MACROD2: variants seen among roughly 807,000 people sequenced by gnomAD.
MACROD2 encodes ADP-ribose glycohydrolase MACROD2.
A neutral mutation model predicts 70.4 loss-of-function variants in MACROD2; 36 were observed. That is an observed-to-expected ratio of 0.51 (90% CI 0.39 to 0.68). The LOEUF is 0.68. Among genes scored for constraint, MACROD2 ranks in the 30% least tolerant of loss-of-function variants. MACROD2 has a pLI of 0.00. For missense variants in MACROD2, 496 were observed against 538.4 expected, an observed-to-expected ratio of 0.92 and a Z score of 0.78; for synonymous variants, 172 against 178.8, an observed-to-expected ratio of 0.96 and a Z score of 0.30.
chr20:14,504,129 C>T lies in MACROD2; in HGVS notation c.301+10621C>T, dbSNP rs147054617. Among the ~76,000 whole-genome samples the T allele has an allele frequency of 1.9e-4, 29 of 152,272 alleles. No homozygotes were observed. In the East Asian group the frequency reaches 5.2e-3, roughly 27 times the overall value. On this transcript the variant is annotated intron_variant, in intron 4 of 17. Transcript: ENST00000684519. ...ACATGGACTGTTTCTATTGTGTTCA[C>T]TTGCTGAAACCTCAGAATCTTGTAG...
At chr20:15,072,611 CCTTT>C (rs1460462189) in intron 5 of MACROD2, among the ~76,000 whole-genome samples, 1 of 152,082 alleles carries the variant, frequency 6.6e-6, no homozygotes, top group Non-Finnish European at 1.5e-5. Context: ...TTATTTCTTT[CCTTT>C]CCATCAATTA....
At chr20:14,903,634 A>T (rs1391401929) in intron 5 of MACROD2, among the ~76,000 whole-genome samples, 1 of 152,126 alleles carries the variant, frequency 6.6e-6, no homozygotes, top group Non-Finnish European at 1.5e-5. Context: ...TAGAATTTTG[A>T]CAGGTTGCAG....
chr20:15,881,648 G>T (rs143780405), intron 9 of MACROD2, among the ~76,000 whole-genome samples: 2 of 152,114 alleles, frequency 1.3e-5, no homozygotes, highest in Non-Finnish European at 2.9e-5. Context: ...ATGTGCCTAC[G>T]TCTTAGTAGA....
chr20:14,085,493 T>C (rs2054065426), intron 2 of MACROD2, 128 bp from the exon 3 acceptor site: 1 of 466,396 alleles, frequency 2.1e-6, no homozygotes, highest in African/African-American at 2.0e-5. Flanking sequence ...CTTACGCTCT[T>C]ATTTCCACTT....
At chr20:14,677,838 C>T (rs2070880650) in intron 4 of MACROD2, among the ~76,000 whole-genome samples, 1 of 152,102 alleles carries the variant, frequency 6.6e-6, no homozygotes, top group Non-Finnish European at 1.5e-5. Flanking sequence ...ATTAAGGACT[C>T]TGAGACATAC....
At chr20:15,715,947 G>A (rs1343768492) in intron 8 of MACROD2, among the ~76,000 whole-genome samples, 1 of 151,996 alleles carries the variant, frequency 6.6e-6, no homozygotes, top group East Asian at 1.9e-4. Context: ...ACAATTTAAG[G>A]TTATATCAAC....
chr20:15,439,370 T>C (rs2046466625), intron 7 of MACROD2, among the ~76,000 whole-genome samples: 1 of 152,188 alleles, frequency 6.6e-6, no homozygotes, highest in Non-Finnish European at 1.5e-5. Flanking sequence ...TTCAAATGGA[T>C]TTTGTTATTT....
intron 12 of MACROD2, among the ~76,000 whole-genome samples, chr20:15,954,838 C>A (rs531444783): frequency 6.6e-6 from 1 of 152,242 alleles, no homozygotes; most frequent in African/African-American, 2.4e-5. Flanking sequence ...AGTTTCTATT[C>A]TAAGAACTGC....
intron 4 of MACROD2, among the ~76,000 whole-genome samples, chr20:14,577,311 C>T (rs900352208): frequency 1.3e-5 from 2 of 152,140 alleles, no homozygotes; most frequent in Admixed American, 6.5e-5. Flanking sequence ...TGAGAAAAAC[C>T]CTGTTTAATA....
At chr20:14,091,527 T>C (rs969625993) in intron 3 of MACROD2, among the ~76,000 whole-genome samples, 18 of 152,138 alleles carry the variant, frequency 1.2e-4, no homozygotes, top group African/African-American at 4.1e-4. Flanking sequence ...AGGTGATGGA[T>C]GTGTTAATTA....
chr20:14,979,190 C>T (rs545911751), intron 5 of MACROD2, among the ~76,000 whole-genome samples: 5 of 151,410 alleles, frequency 3.3e-5, no homozygotes, highest in African/African-American at 4.8e-5. Context: ...AAATTCCTAG[C>T]CTCAAAAGAT....
At chr20:14,563,475 G>A (rs1979574844) in intron 4 of MACROD2, among the ~76,000 whole-genome samples, 1 of 151,886 alleles carries the variant, frequency 6.6e-6, no homozygotes, top group Non-Finnish European at 1.5e-5. Context: ...ACCAAAGTCT[G>A]GTGAGAGTGC....
intron 4 of MACROD2, among the ~76,000 whole-genome samples, chr20:14,654,045 A>G (rs1349765634): frequency 6.6e-6 from 1 of 152,114 alleles, no homozygotes; most frequent in African/African-American, 2.4e-5. Context: ...TTTGTCTCAC[A>G]GTCTACTTCT....
intron 3 of MACROD2, chr20:14,337,679 A>T (rs1238203502): frequency 2.5e-6 from 1 of 397,146 alleles, no homozygotes; most frequent in Admixed American, 4.4e-5. Context: ...GGGTGATGTC[A>T]TAGATGGGCA....
chr20:15,984,697 G>A (rs1182741452), intron 13 of MACROD2, among the ~76,000 whole-genome samples: 1 of 150,680 alleles, frequency 6.6e-6, no homozygotes, highest in African/African-American at 2.5e-5. Flanking sequence ...ACTGTCTAAG[G>A]CCACAAGATT....
chr20:14,832,588 G>T (rs1256318291), intron 5 of MACROD2, among the ~76,000 whole-genome samples: 1 of 152,010 alleles, frequency 6.6e-6, no homozygotes, highest in African/African-American at 2.4e-5. Flanking sequence ...TGCCCCACTG[G>T]TCTCAAGGGA....
chr20:16,052,922 AAG>A lies in MACROD2; in HGVS notation c.*3047_*3048del, dbSNP rs531403308. On this transcript the variant is annotated 3_prime_UTR_variant, in exon 18 of 18. Transcript: ENST00000684519. The stretch of plus-strand genomic sequence containing the variant: ...GTGATATAAAGGAAAATCAGAAAAA[AAG>A]TAATTTTCTTGATCAAGATATGTTT... 331 of 152,752 alleles carry A rather than the reference AAG, an allele frequency of 2.2e-3. 2 individuals are homozygous for A. The highest frequency in any genetic ancestry group is 7.4e-3 in the African/African-American group (309 of 41,566). The allele number at this position is 152,752 out of a possible 1,614,324, so 9.5% of individuals were successfully genotyped here.
At chr20:14,311,635 A>T (rs2082567916) in intron 3 of MACROD2, among the ~76,000 whole-genome samples, 2 of 152,148 alleles carry the variant, frequency 1.3e-5, no homozygotes, top group Admixed American at 1.3e-4. Context: ...CTCATGCCTC[A>T]GCCTCCCAAG....
At chr20:15,714,349 T>G (rs947891127) in intron 8 of MACROD2, among the ~76,000 whole-genome samples, 2 of 152,206 alleles carry the variant, frequency 1.3e-5, no homozygotes, top group Admixed American at 6.5e-5. Flanking sequence ...TCCTGCATAA[T>G]TGTCTTAAAT....
Sources: gnomAD v4.1 joint callset for allele counts (sites outside exome capture counted in the v4.1 genomes callset) on GRCh38, gnomAD v4.1.1 for gene constraint, MANE v1.5 for transcripts, NCBI Gene and HGNC (gene_info 2026-07-23, HGNC 2026-07-21) for gene names.